The following CNTNAP3 variants were observed in gnomAD, a reference collection of about 807,000 sequenced individuals.
CNTNAP3 encodes the protein contactin-associated protein-like 3.
CNTNAP3 carries 36 observed loss-of-function variants against 92.1 expected under a neutral mutation model. The ratio of observed to expected loss-of-function variants is 0.39; its 90% confidence interval spans 0.30 to 0.52. CNTNAP3 has a LOEUF of 0.52. CNTNAP3 is among the 20% of genes least tolerant of loss of function. The pLI is 0.76. For missense variants in CNTNAP3, 534 were observed against 1,069.6 expected, an observed-to-expected ratio of 0.50 and a Z score of 6.98; for synonymous variants, 232 against 422.3, an observed-to-expected ratio of 0.55 and a Z score of 5.53.
At chr9:39,240,195 GA>G (rs1362773654) in intron 2 of CNTNAP3, among the ~76,000 whole-genome samples, 1 of 13,936 alleles carries the variant, frequency 7.2e-5, no homozygotes, top group African/African-American at 1.3e-4. Context: ...TAGAAAGTCT[GA>G]AGTTCTAGAC....
In CNTNAP3 at chr9:39,120,427, C is replaced by G. The variant is rs183824433; in HGVS notation, c.2081-2168G>C. Among the ~76,000 whole-genome samples the G allele has an allele frequency of 1.3e-3, 191 of 152,288 alleles. 1 individual carries two copies. The East Asian group carries it at 0.021, about 17-fold the overall frequency. On this transcript the variant is annotated intron_variant, in intron 13 of 23. Transcript: ENST00000297668. ...CGGTGGCTCACGCCTGTAATCCCAGCACTTTCGGAGGCCGAGGTGGGCGGA... is the reference window on the plus strand; with the variant it reads ...CGGTGGCTCACGCCTGTAATCCCAGGACTTTCGGAGGCCGAGGTGGGCGGA...
rs190041723 is a variant in CNTNAP3 at position 39,125,550 on chromosome 9, C to A, written c.2081-7291G>T. ...CTGAGACTGTCAGAGTAAACAACAA[C>A]AACAAAACCCATGATCCACCTACAT... On this transcript the variant is annotated intron_variant, in intron 13 of 23. Transcript: ENST00000297668. Among the ~76,000 whole-genome samples the A allele has an allele frequency of 2.1e-4, 32 of 152,116 alleles. No individual in the cohort carries two copies. The East Asian group carries it at 6.0e-3, about 28-fold the overall frequency.
At chr9:39,122,498 C>A (rs1413457209) in intron 13 of CNTNAP3, among the ~76,000 whole-genome samples, 2 of 152,092 alleles carry the variant, frequency 1.3e-5, no homozygotes, top group Non-Finnish European at 2.9e-5. Context: ...ATTTTAGACC[C>A]TATTTAAGAC....
chr9:39,141,893 C>T (rs1427620060), intron 11 of CNTNAP3, among the ~76,000 whole-genome samples: 4 of 151,978 alleles, frequency 2.6e-5, no homozygotes, highest in Non-Finnish European at 5.9e-5. Flanking sequence ...GAGTTATATA[C>T]AATTAATAAT....
intron 9 of CNTNAP3, 103 bp from the exon 10 acceptor site, chr9:39,150,080 C>T (rs552897826): frequency 2.7e-5 from 20 of 750,418 alleles, no homozygotes; most frequent in South Asian, 1.3e-4. Context: ...TTATGGACAT[C>T]GGTATGATGC....
At chr9:39,130,914 G>T (rs1230522864) in intron 13 of CNTNAP3, among the ~76,000 whole-genome samples, 1 of 151,712 alleles carries the variant, frequency 6.6e-6, no homozygotes, top group Non-Finnish European at 1.5e-5. Flanking sequence ...CCTTGGGGTG[G>T]GGGAACTGCT....
intron 14 of CNTNAP3, among the ~76,000 whole-genome samples, chr9:39,110,579 G>A (rs1323599102): frequency 2.6e-5 from 4 of 152,060 alleles, no homozygotes; most frequent in South Asian, 2.1e-4. Context: ...AAATGCACAC[G>A]TCTGGGTCCA....
rs372228309 is a variant in CNTNAP3, at chr9:39,101,464, A to C, written c.2755+1033T>G. On this transcript the variant is annotated intron_variant, in intron 17 of 23. Transcript: ENST00000297668. ...TAGAATAGTTTCAAAAGCAATATGGAAAAATAAACAACAGTGATAAAACAG... is the reference window on the plus strand; with the variant it reads ...TAGAATAGTTTCAAAAGCAATATGGCAAAATAAACAACAGTGATAAAACAG... 5.3e-3 allele frequency among the ~76,000 whole-genome samples: 564 copies of C among 107,314 alleles called. 7 individuals carry two copies. Among genetic ancestry groups the C allele is most frequent in the East Asian group, 0.011 (30 of 2,676 alleles). The allele number at this position is 107,314 out of a possible 152,430, so 70.4% of individuals were successfully genotyped here.
intron 13 of CNTNAP3, among the ~76,000 whole-genome samples, chr9:39,131,838 G>T (rs1345316760): frequency 6.6e-6 from 1 of 150,488 alleles, no homozygotes; most frequent in Admixed American, 6.6e-5. Context: ...AGAGGAAATG[G>T]TCTGGCATAT....
At chr9:39,225,674 T>C (rs1218483386) in intron 3 of CNTNAP3, among the ~76,000 whole-genome samples, 2 of 42,670 alleles carry the variant, frequency 4.7e-5, no homozygotes, top group African/African-American at 7.7e-5. Context: ...CCTTCCTGTG[T>C]ATGAAAATGT....
chr9:39,114,866 G>A (rs544140989), intron 14 of CNTNAP3, among the ~76,000 whole-genome samples: 192 of 150,818 alleles, frequency 1.3e-3, no homozygotes, highest in African/African-American at 4.5e-3. Context: ...AACAACTTGT[G>A]GATTTTTGCA....
At chr9:39,145,455 G>A (rs1420751169) in intron 10 of CNTNAP3, among the ~76,000 whole-genome samples, 29 of 140,236 alleles carry the variant, frequency 2.1e-4, no homozygotes, top group East Asian at 4.5e-4. Flanking sequence ...CAGAAGAGGG[G>A]CCGGGAGGTT....
At chr9:39,153,825 C>A (rs1821892688) in intron 9 of CNTNAP3, among the ~76,000 whole-genome samples, 1 of 139,690 alleles carries the variant, frequency 7.2e-6, no homozygotes, top group Non-Finnish European at 1.5e-5. Flanking sequence ...TCTCAAAGTG[C>A]TGGGATTACA....
intron 22 of CNTNAP3, 45 bp downstream of exon 22, chr9:39,078,645 G>C (rs1433629800): frequency 6.5e-7 from 1 of 1,548,410 alleles, no homozygotes; most frequent in Non-Finnish European, 8.7e-7. Flanking sequence ...ACAAACATTT[G>C]AGAGAAGCGC....
rs146535161 is a variant in CNTNAP3, at chr9:39,151,447, C to G, written c.1478-1470G>C. Among the ~76,000 whole-genome samples the G allele has an allele frequency of 4.7e-4, 62 of 132,660 alleles. 1 individual carries two copies. In the East Asian group the frequency reaches 7.8e-3, roughly 17 times the overall value. 87.0% of individuals were successfully genotyped at this position (132,660 alleles called of 152,430 possible). On this transcript the variant is annotated intron_variant, in intron 9 of 23. Coordinates refer to ENST00000297668, the MANE Select transcript of CNTNAP3 (RefSeq NM_033655.5). ...TGGTGGGTGCCTGTAGTCCCAGTTA[C>G]TCGGGAAACTGAGGCAGGAGAATGG... is the stretch of plus-strand genomic sequence containing the variant.
At chr9:39,131,412 AC>A (rs1160023201) in intron 13 of CNTNAP3, among the ~76,000 whole-genome samples, 1 of 152,118 alleles carries the variant, frequency 6.6e-6, no homozygotes, top group Non-Finnish European at 1.5e-5. Flanking sequence ...TTTGAATGCA[AC>A]CAGACCTTTG....
At chr9:39,109,076 T>C in intron 15 of CNTNAP3, 84 bp downstream of exon 15, 1 of 1,502,638 alleles carries the variant, frequency 6.7e-7, no homozygotes, top group South Asian at 1.4e-5. Context: ...ATTCTCTTTC[T>C]GGCAAGAACA....
At chr9:39,149,010 T>A (rs891724073) in intron 10 of CNTNAP3, among the ~76,000 whole-genome samples, 1 of 152,178 alleles carries the variant, frequency 6.6e-6, no homozygotes, top group Non-Finnish European at 1.5e-5. Flanking sequence ...TAATACTTAT[T>A]TGAATTAAAT....
intron 21 of CNTNAP3, among the ~76,000 whole-genome samples, chr9:39,081,863 G>C (rs182632259): frequency 0.21 from 30,168 of 145,344 alleles, 3,361 homozygotes; most frequent in East Asian, 0.34. Flanking sequence ...CGGATGATGA[G>C]GTCAGGAGAT....
Sources: allele counts gnomAD v4.1 joint callset (sites outside exome capture counted in the v4.1 genomes callset), GRCh38; gene constraint gnomAD v4.1.1; transcripts MANE v1.5; gene names NCBI Gene and HGNC (gene_info 2026-07-23, HGNC 2026-07-21).